Variants in AP3B1 observed in about 807,000 individuals in gnomAD.
AP3B1 encodes AP-3 complex subunit beta-1.
A neutral mutation model predicts 132.5 loss-of-function variants in AP3B1; 61 were observed. The ratio of observed to expected loss-of-function variants is 0.46; its 90% CI spans 0.37 to 0.57. AP3B1 has a LOEUF of 0.57. AP3B1 is among the 20% of genes least tolerant of loss of function. The pLI is 0.00. For synonymous variants in AP3B1, 388 were observed against 438.3 expected (o/e 0.89, Z 1.43); for missense variants, 1,120 against 1,289.4 (o/e 0.87, Z 2.01).
intron 17 of AP3B1, among the ~76,000 whole-genome samples, chr5:78,120,900 GCACCA>G (rs913951087): frequency 1.5e-3 from 236 of 152,258 alleles, no homozygotes; most frequent in African/African-American, 5.5e-3. Context: ...ATTCTTCTCA[GCACCA>G]CACCACACCT....
intron 19 of AP3B1, among the ~76,000 whole-genome samples, chr5:78,110,561 A>C (rs1183189559): frequency 3.9e-5 from 6 of 152,138 alleles, no homozygotes; most frequent in African/African-American, 1.4e-4. Flanking sequence ...GACACTAAAC[A>C]ATATAATCAA....
At chr5:78,179,193 A>G (rs1024091081) in intron 8 of AP3B1, among the ~76,000 whole-genome samples, 1 of 152,228 alleles carries the variant, frequency 6.6e-6, no homozygotes, top group African/African-American at 2.4e-5. Context: ...TACCTGGCTA[A>G]TAAGTATTAG....
At chr5:78,113,990 T>C in intron 18 of AP3B1, 67 bp from the exon 19 acceptor site, 2 of 1,531,180 alleles carry the variant, frequency 1.3e-6, no homozygotes, top group Admixed American at 1.9e-5. Flanking sequence ...CACCTGTAAC[T>C]GTCAATATTC....
chr5:78,262,683 CTTT>C (rs71613943), intron 2 of AP3B1, among the ~76,000 whole-genome samples: 2 of 143,756 alleles, frequency 1.4e-5, no homozygotes, highest in Non-Finnish European at 3.0e-5. Flanking sequence ...CAATTTTGTT[CTTT>C]TTTTTTTTTT....
At chr5:78,065,207 C>T (rs1198594040) in intron 22 of AP3B1, among the ~76,000 whole-genome samples, 1 of 152,178 alleles carries the variant, frequency 6.6e-6, no homozygotes, top group East Asian at 1.9e-4. Context: ...CAGAAGATCC[C>T]CTCGTGAGCC....
At chr5:78,059,422 G>T (rs1748948138) in intron 22 of AP3B1, among the ~76,000 whole-genome samples, 1 of 152,166 alleles carries the variant, frequency 6.6e-6, no homozygotes, top group Non-Finnish European at 1.5e-5. Flanking sequence ...AACTAATAAA[G>T]GTAACTGCGG....
chr5:78,224,226 G>A (rs912098824), intron 6 of AP3B1, among the ~76,000 whole-genome samples: 3 of 151,774 alleles, frequency 2.0e-5, no homozygotes, highest in Admixed American at 1.3e-4. Flanking sequence ...TACCTCCTAC[G>A]TTATACCAAC....
chr5:78,039,427 G>C (rs1457401827), intron 22 of AP3B1, among the ~76,000 whole-genome samples, 153 bp from the exon 23 acceptor site: 2 of 152,110 alleles, frequency 1.3e-5, no homozygotes, highest in African/African-American at 2.4e-5. Context: ...CACACACATA[G>C]ATATTAGTCA....
chr5:78,019,281 C>T lies in AP3B1; in HGVS notation c.2992+1411G>A, dbSNP rs148724627. 7.9e-5 allele frequency among the ~76,000 whole-genome samples: 12 copies of T among 152,210 alleles called. No homozygotes were observed. The East Asian group carries it at 2.3e-3, about 29-fold the overall frequency. On this transcript the variant is annotated intron_variant, in intron 25 of 26. Transcript: ENST00000255194. ...TGTATGGCTAGTCAGCGAAAAATCCCTCAGTCACAGCAGAGCACAAAAAAT... is the reference window on the plus strand; with the variant it reads ...TGTATGGCTAGTCAGCGAAAAATCCTTCAGTCACAGCAGAGCACAAAAAAT...
At chr5:78,159,735 T>A (rs1157438200) in intron 13 of AP3B1, among the ~76,000 whole-genome samples, 1 of 152,176 alleles carries the variant, frequency 6.6e-6, no homozygotes, top group East Asian at 1.9e-4. Flanking sequence ...CTGGGCATCT[T>A]TGGAACGCAA....
At position 78,003,100 on chromosome 5, in the gene AP3B1, G is replaced by A. The variant is rs538645525; in HGVS notation, c.3132-45C>T. The A allele has an allele frequency of 3.3e-4, 523 of 1,596,264 alleles. 4 individuals are homozygous for A. The highest frequency in any genetic ancestry group is 6.2e-4 in the South Asian group (56 of 90,758). ...GACCTTTTATCATAAGATGGGGAGG[G>A]TAAAGGAGATAGCATACATTCAAAT... On this transcript the variant is annotated intron_variant, in intron 26 of 26. Coordinates refer to ENST00000255194, the MANE Select transcript of AP3B1 (RefSeq NM_003664.5).
At chr5:78,111,726 A>G (rs1370055509) in intron 19 of AP3B1, among the ~76,000 whole-genome samples, 1 of 152,178 alleles carries the variant, frequency 6.6e-6, no homozygotes, top group African/African-American at 2.4e-5. Flanking sequence ...CTAAAGGTCT[A>G]GTTCTCTCTA....
chr5:78,004,482 G>A (rs1746313092), intron 26 of AP3B1, among the ~76,000 whole-genome samples: 1 of 151,856 alleles, frequency 6.6e-6, no homozygotes, highest in Admixed American at 6.6e-5. Flanking sequence ...TTTCTTTTTT[G>A]GGTTTTTTAA....
chr5:78,013,445 AAAACT>A (rs1477459377), intron 26 of AP3B1, among the ~76,000 whole-genome samples: 1 of 152,230 alleles, frequency 6.6e-6, no homozygotes, highest in Non-Finnish European at 1.5e-5. Flanking sequence ...TACACAAAAC[AAAACT>A]AAACTAGATG....
chr5:78,195,064 C>CAA (rs35455070), intron 7 of AP3B1, among the ~76,000 whole-genome samples: 2,369 of 137,590 alleles, frequency 0.017, 66 homozygotes, highest in African/African-American at 0.057. Flanking sequence ...TGGACCAAAC[C>CAA]AAAAAAAAAA....
chr5:78,122,070 A>C (rs1442970455), intron 17 of AP3B1, among the ~76,000 whole-genome samples: 1 of 152,240 alleles, frequency 6.6e-6, no homozygotes, highest in African/African-American at 2.4e-5. Flanking sequence ...GTAATCCAGC[A>C]TATAAACAGA....
chr5:78,009,157 A>T (rs902019306), intron 26 of AP3B1, among the ~76,000 whole-genome samples: 1 of 152,084 alleles, frequency 6.6e-6, no homozygotes, highest in African/African-American at 2.4e-5. Context: ...TTTAAGGCCT[A>T]GATATGGAAC....
chr5:78,038,355 G>A (rs752507247), intron 23 of AP3B1, among the ~76,000 whole-genome samples: 1 of 152,138 alleles, frequency 6.6e-6, no homozygotes, highest in Non-Finnish European at 1.5e-5. Context: ...AGTCTACATC[G>A]GGGGTGTGCA....
chr5:78,023,961 CAA>C (rs781331858), intron 24 of AP3B1, among the ~76,000 whole-genome samples: 14 of 152,076 alleles, frequency 9.2e-5, no homozygotes, highest in Non-Finnish European at 1.9e-4. Flanking sequence ...GAAGAAGAAA[CAA>C]AGAAATAACT....
Sources: allele counts gnomAD v4.1 joint callset (sites outside exome capture counted in the v4.1 genomes callset), GRCh38; gene constraint gnomAD v4.1.1; transcripts MANE v1.5; gene names NCBI Gene and HGNC (gene_info 2026-07-23, HGNC 2026-07-21).